Variants in AXDND1 observed in about 807,000 individuals in gnomAD.
AXDND1 encodes axonemal dynein light chain domain-containing protein 1.
A neutral mutation model predicts 137.5 loss-of-function variants in AXDND1; 110 were observed. The ratio of observed to expected loss-of-function variants is 0.80; its 90% confidence interval spans 0.69 to 0.94. The LOEUF (loss-of-function observed/expected upper bound fraction) is 0.94. Among genes scored for constraint, AXDND1 ranks in the 40% least tolerant of loss-of-function variants. The probability of loss-of-function intolerance (pLI) is 0.00; values close to 1 mark genes in which losing one functional copy is unlikely to be tolerated. For synonymous variants in AXDND1, 414 were observed against 399.7 expected, an observed-to-expected ratio of 1.04 and a Z score of -0.43; for missense variants, 1,191 against 1,169.8, an observed-to-expected ratio of 1.02 and a Z score of -0.26.
At position 179,468,532 on chromosome 1, in the gene AXDND1, G is replaced by A; in HGVS notation, c.1888G>A (p.Glu630Lys). Reference sequence around the variant, plus strand: ...CCTGGAGTTTCCTGATACGCCTCTTGAAGAATGGCAGGAAATAGATGAAAA... The same window carrying A: ...CCTGGAGTTTCCTGATACGCCTCTTAAAGAATGGCAGGAAATAGATGAAAA... ...ENLEFPDTPLEEWQEIDEKIN... is the reference protein window; with the variant it reads ...ENLEFPDTPLKEWQEIDEKIN... The change falls in exon 17 of 26, where the codon GAA becomes AAA. Residue 630 changes from glutamate (E) to lysine (K), a missense_variant. Transcript: ENST00000367618. 2 of 1,612,840 alleles carry A rather than the reference G, an allele frequency of 1.2e-6. No homozygotes were observed. The highest frequency in any genetic ancestry group is 1.7e-6 in the Non-Finnish European group (2 of 1,179,404).
At chr1:179,535,190 C>A in intron 25 of AXDND1, 6 of 566,810 alleles carry the variant, frequency 1.1e-5, no homozygotes, top group East Asian at 3.8e-5. Context: ...AGCTCAGATA[C>A]AATTTTTATT....
At chr1:179,372,744 C>T (rs376758680) in intron 4 of AXDND1, among the ~76,000 whole-genome samples, 8 of 152,094 alleles carry the variant, frequency 5.3e-5, no homozygotes, top group South Asian at 2.1e-4. Context: ...AGTGCAATGG[C>T]GCAGTCTCGG....
At chr1:179,501,626 C>T (rs545911419) in intron 20 of AXDND1, among the ~76,000 whole-genome samples, 2 of 152,078 alleles carry the variant, frequency 1.3e-5, no homozygotes, top group Non-Finnish European at 2.9e-5. Context: ...GCAGGAGAAT[C>T]GCTTGAACCG....
intron 20 of AXDND1, among the ~76,000 whole-genome samples, chr1:179,500,396 A>G (rs950345671): frequency 1.3e-4 from 19 of 147,004 alleles, no homozygotes; most frequent in African/African-American, 4.8e-4. Context: ...GCCTGCCAGC[A>G]TTAAGTAGTT....
chr1:179,447,489 G>A (rs1187860645), intron 16 of AXDND1: 3 of 459,898 alleles, frequency 6.5e-6, no homozygotes, highest in African/African-American at 4.0e-5. Context: ...ATATTCATTA[G>A]GAATAGGTAT....
chr1:179,517,490 T>A (rs2125663590), intron 21 of AXDND1, among the ~76,000 whole-genome samples: 1 of 152,368 alleles, frequency 6.6e-6, no homozygotes, highest in South Asian at 2.1e-4. Flanking sequence ...ATTCAAATTG[T>A]TACAAAGTTC....
intron 11 of AXDND1, among the ~76,000 whole-genome samples, chr1:179,404,533 A>G (rs994543475): frequency 5.9e-5 from 9 of 152,056 alleles, no homozygotes; most frequent in Non-Finnish European, 1.3e-4. Context: ...AGCTTTATCA[A>G]GTTGTCACAA....
chr1:179,403,049 A>G (rs1386382579), intron 11 of AXDND1, among the ~76,000 whole-genome samples: 1 of 152,224 alleles, frequency 6.6e-6, no homozygotes, highest in African/African-American at 2.4e-5. Context: ...AAACCTACAT[A>G]TAACTTTTGA....
intron 24 of AXDND1, 129 bp from the exon 25 acceptor site, chr1:179,534,601 G>A: frequency 8.2e-7 from 1 of 1,223,578 alleles, no homozygotes; most frequent in African/African-American, 1.5e-5. Flanking sequence ...CATTGATGCT[G>A]TTGCTTCCCT....
chr1:179,426,424 C>A (rs1656579989), intron 12 of AXDND1, among the ~76,000 whole-genome samples: 1 of 152,054 alleles, frequency 6.6e-6, no homozygotes, highest in African/African-American at 2.4e-5. Flanking sequence ...AATTAGATAA[C>A]ATTTTTAGCT....
At chr1:179,496,213 T>C (rs1246054388) in intron 20 of AXDND1, among the ~76,000 whole-genome samples, 1 of 152,052 alleles carries the variant, frequency 6.6e-6, no homozygotes, top group East Asian at 1.9e-4. Context: ...ATCAGGGTAA[T>C]GCTGGCCTTT....
chr1:179,482,588 G>A (rs923028241), intron 17 of AXDND1, among the ~76,000 whole-genome samples: 1 of 152,060 alleles, frequency 6.6e-6, no homozygotes, highest in African/African-American at 2.4e-5. Flanking sequence ...AGCAGTCATG[G>A]TTCAAATACC....
rs1572194220 is a variant in AXDND1, at chr1:179,533,818, A to G, written c.2739A>G (p.Thr913=). The G allele has an allele frequency of 1.9e-6, 3 of 1,613,102 alleles. No homozygotes were observed. The highest frequency in any genetic ancestry group is 2.5e-6 in the Non-Finnish European group (3 of 1,179,270). The part of the protein sequence containing the change: ...SSWRESAKQG[T]LAQKYLEAMA... The stretch of plus-strand genomic sequence containing the variant: ...AGAGAGAGTCAGCTAAGCAAGGTAC[A>G]TTGGCCCAAAAATATCTTGAAGCAA... The change falls in exon 24 of 26, where the codon ACA becomes ACG. Residue 913 remains threonine (T), a synonymous_variant. Transcript: ENST00000367618.
At position 179,369,651 on chromosome 1, in the gene AXDND1, C is replaced by CA. The variant is rs59697646; in HGVS notation, c.271-312dup. 1.4e-4 allele frequency among the ~76,000 whole-genome samples: 18 copies of CA among 130,520 alleles called. No individual in the cohort carries two copies. The South Asian group carries it at 3.4e-3, about 24-fold the overall frequency. The allele number at this position is 130,520 out of a possible 152,430, so 85.6% of individuals were successfully genotyped here. A position where few individuals can be genotyped will look rare whatever the true frequency, so the allele number is the denominator to read the frequency against. ...TGGACCACAGAGCAAGACTCTGTCT[C>CA]AAAAAAAAAAAATTTAAAATAATTT... On this transcript the variant is annotated intron_variant, in intron 3 of 25. Transcript: ENST00000367618.
chr1:179,541,388 G>A (rs574761459), intron 25 of AXDND1, among the ~76,000 whole-genome samples: 3 of 152,228 alleles, frequency 2.0e-5, no homozygotes, highest in African/African-American at 7.2e-5. Flanking sequence ...AGTTGGAAAT[G>A]CAGAAATCAC....
chr1:179,479,098 T>C (rs1163382786), intron 17 of AXDND1, among the ~76,000 whole-genome samples: 1 of 151,836 alleles, frequency 6.6e-6, no homozygotes, highest in Admixed American at 6.6e-5. Flanking sequence ...AGAGACTCTG[T>C]CTCAAAAAAA....
chr1:179,380,109 C>T (rs1011245770), intron 6 of AXDND1, among the ~76,000 whole-genome samples: 7 of 150,264 alleles, frequency 4.7e-5, no homozygotes, highest in African/African-American at 1.5e-4. Context: ...AATAGCCGGG[C>T]GTGGTGGTGG....
chr1:179,447,759 A>C, intron 16 of AXDND1: 18 of 1,345,020 alleles, frequency 1.3e-5, no homozygotes, highest in Non-Finnish European at 1.6e-5. Context: ...AATTTGGAGA[A>C]GCTCTTGAGT....
intron 11 of AXDND1, among the ~76,000 whole-genome samples, chr1:179,410,401 T>C (rs942253223): frequency 6.6e-6 from 1 of 152,154 alleles, no homozygotes. Flanking sequence ...TGGCTAATTT[T>C]TGTATTTGTA....
Sources: gnomAD v4.1 joint callset for allele counts (sites outside exome capture counted in the v4.1 genomes callset) on GRCh38, gnomAD v4.1.1 for gene constraint, MANE v1.5 for transcripts, NCBI Gene and HGNC (gene_info 2026-07-23, HGNC 2026-07-21) for gene names.